ZNF730: variants seen among roughly 807,000 people sequenced by gnomAD.
ZNF730 encodes the protein putative zinc finger protein 730.
ZNF730 carries 12 observed loss-of-function variants against 12.6 expected under a neutral mutation model. The observed-to-expected ratio is 0.95, with a 90% confidence interval of 0.61 to 1.54. The LOEUF (loss-of-function observed/expected upper bound fraction) is 1.54, where lower values mean the gene tolerates loss of function less well. Ranked by LOEUF, ZNF730 falls within the 40% of genes most tolerant of loss-of-function variation. The probability of loss-of-function intolerance (pLI) is 0.00; values close to 1 mark genes in which losing one functional copy is unlikely to be tolerated. For missense variants in ZNF730, 643 were observed against 583.5 expected (o/e 1.10, Z -1.05); for synonymous variants, 194 against 195.8 (o/e 0.99, Z 0.08).
Position 23,146,171 on chromosome 19 carries a change from CT to C in ZNF730, c.1131del (p.Phe377LeufsTer12), listed in dbSNP as rs766011713. ...TACAAATATAAAGAATGTGGTAAAG[CT>C]TTTAACCAATCCTCAACTCTTACTA... ...KPYKYKECGK[A>X]FNQSSTLTIH... On this transcript the variant is annotated frameshift_variant, in exon 4 of 4. Coordinates refer to ENST00000597761, the MANE Select transcript of ZNF730 (RefSeq NM_001277403.2). LOFTEE classifies it low-confidence loss of function (END_TRUNC). 4 of 1,607,944 alleles carry C rather than the reference CT, an allele frequency of 2.5e-6. No individual in the cohort carries two copies. In the South Asian group the frequency reaches 4.4e-5, roughly 18 times the overall value.
chr19:23,137,437 G>T (rs1417471439), intron 3 of ZNF730, among the ~76,000 whole-genome samples: 1 of 152,026 alleles, frequency 6.6e-6, no homozygotes, highest in Non-Finnish European at 1.5e-5. Flanking sequence ...TTTTCTATTT[G>T]CTAATGTATT....
intron 1 of ZNF730, among the ~76,000 whole-genome samples, chr19:23,131,036 G>T (rs1970737622): frequency 6.6e-6 from 1 of 152,108 alleles, no homozygotes; most frequent in South Asian, 2.1e-4. Flanking sequence ...TATAAAGTAT[G>T]AATTTTAGGG....
At chr19:23,137,014 C>CA (rs555640786) in intron 3 of ZNF730, among the ~76,000 whole-genome samples, 220 of 151,924 alleles carry the variant, frequency 1.4e-3, no homozygotes, top group African/African-American at 5.0e-3. Flanking sequence ...ACTAAAAATA[C>CA]AAAAAATTAG....
chr19:23,136,661 C>T (rs936280982), intron 3 of ZNF730, among the ~76,000 whole-genome samples: 1 of 150,278 alleles, frequency 6.7e-6, no homozygotes, highest in African/African-American at 2.4e-5. Context: ...GCTAATTTTT[C>T]TGCATATTCC....
At chr19:23,087,401 C>G (rs1970081461) in intron 1 of ZNF730, among the ~76,000 whole-genome samples, 1 of 151,940 alleles carries the variant, frequency 6.6e-6, no homozygotes, top group Admixed American at 6.6e-5. Flanking sequence ...GAGCAAGATT[C>G]CGTCTCAAAG....
At chr19:23,102,331 G>T (rs1213488426) in intron 1 of ZNF730, among the ~76,000 whole-genome samples, 1 of 152,068 alleles carries the variant, frequency 6.6e-6, no homozygotes, top group African/African-American at 2.4e-5. Flanking sequence ...CAGGTGATGT[G>T]ACACTCCTGT....
chr19:23,112,062 C>T (rs984932891), upstream of ZNF730, among the ~76,000 whole-genome samples: 1 of 151,592 alleles, frequency 6.6e-6, no homozygotes, highest in African/African-American at 2.4e-5. Flanking sequence ...TATCTAGAAC[C>T]CAGAGATTGA....
chr19:23,083,737 A>G (rs961307578), intron 1 of ZNF730, among the ~76,000 whole-genome samples: 1 of 151,648 alleles, frequency 6.6e-6, no homozygotes, highest in Non-Finnish European at 1.5e-5. Flanking sequence ...TTTTGATAAT[A>G]CCTGTTAAGA....
At chr19:23,085,826 A>ATTTTTTTTTCTT (rs1970051680) in intron 1 of ZNF730, among the ~76,000 whole-genome samples, 1 of 72,546 alleles carries the variant, frequency 1.4e-5, no homozygotes, top group African/African-American at 6.0e-5. Context: ...ATTTCACCCA[A>ATTTTTTTTTCTT]TTTTTTTTTC....
intron 1 of ZNF730, chr19:23,128,135 G>A: frequency 3.3e-6 from 3 of 914,488 alleles, no homozygotes; most frequent in Admixed American, 3.4e-5. Flanking sequence ...ACTACCACTG[G>A]CAATAAAGTT....
intron 3 of ZNF730, among the ~76,000 whole-genome samples, chr19:23,137,926 C>G (rs1467068138): frequency 6.6e-6 from 1 of 152,170 alleles, no homozygotes; most frequent in Non-Finnish European, 1.5e-5. Flanking sequence ...AGGGTAGACA[C>G]TAGGGCAGGT....
chr19:23,082,239 A>T (rs935139821), intron 1 of ZNF730, among the ~76,000 whole-genome samples: 1 of 152,008 alleles, frequency 6.6e-6, no homozygotes, highest in African/African-American at 2.4e-5. Flanking sequence ...TTTTTTTCAG[A>T]GTCCTCGTAT....
At chr19:23,124,564 A>G (rs923154564) in intron 1 of ZNF730, among the ~76,000 whole-genome samples, 9 of 152,160 alleles carry the variant, frequency 5.9e-5, no homozygotes, top group African/African-American at 1.9e-4. Flanking sequence ...CCCTCTCACA[A>G]TTACCTAGCC....
Position 23,138,236 on chromosome 19 carries a change from TC to T in ZNF730, c.226+2196del, listed in dbSNP as rs1454361016. Among the ~76,000 whole-genome samples the T allele has an allele frequency of 1.0e-3, 13 of 12,792 alleles. 4 individuals carry two copies. The highest frequency in any genetic ancestry group is 1.9e-3 in the African/African-American group (13 of 6,720). 8.4% of individuals were successfully genotyped at this position (12,792 alleles called of 152,430 possible). On this transcript the variant is annotated intron_variant, in intron 3 of 3. Transcript: ENST00000597761. ...AGGCGGAGCTTGCAGTGAGCCGAGA[TC>T]CCGCCACTGCACTCCAGCCTGGGCG...
chr19:23,137,957 A>C (rs1468368207), intron 3 of ZNF730, among the ~76,000 whole-genome samples: 3 of 152,176 alleles, frequency 2.0e-5, no homozygotes, highest in African/African-American at 7.2e-5. Context: ...GGTTGTGCAT[A>C]TATGGTGGGC....
intron 1 of ZNF730, among the ~76,000 whole-genome samples, chr19:23,128,903 A>G (rs1970706583): frequency 1.3e-5 from 2 of 152,188 alleles, no homozygotes; most frequent in South Asian, 2.1e-4. Context: ...TGTGAAGCCT[A>G]GGGACTTGGT....
At chr19:23,145,113 T>C (rs374625631) in intron 3 of ZNF730, among the ~76,000 whole-genome samples, 158 bp from the exon 4 acceptor site, 3 of 152,206 alleles carry the variant, frequency 2.0e-5, no homozygotes, top group Non-Finnish European at 4.4e-5. Flanking sequence ...CAAATGTACT[T>C]TGGATTTTTG....
At chr19:23,078,463 C>T (rs1460566333) in intron 1 of ZNF730, among the ~76,000 whole-genome samples, 1 of 152,010 alleles carries the variant, frequency 6.6e-6, no homozygotes, top group Non-Finnish European at 1.5e-5. Flanking sequence ...AAGTACAGCA[C>T]CTTTTCTAAC....
intron 1 of ZNF730, among the ~76,000 whole-genome samples, chr19:23,105,187 G>A (rs1009600665): frequency 4.7e-5 from 7 of 149,326 alleles, no homozygotes; most frequent in African/African-American, 1.2e-4. Context: ...GCACAATCTC[G>A]GCTCACTGCA....
Sources: gnomAD v4.1 joint callset for allele counts (sites outside exome capture counted in the v4.1 genomes callset) on GRCh38, gnomAD v4.1.1 for gene constraint, MANE v1.5 for transcripts, NCBI Gene and HGNC (gene_info 2026-07-23, HGNC 2026-07-21) for gene names.